The following MMD2 variants were observed in gnomAD, a reference collection of about 807,000 sequenced individuals.
MMD2 encodes monocyte to macrophage differentiation factor 2.
MMD2 carries 30 observed loss-of-function variants against 33.5 expected under a neutral mutation model. That is an observed-to-expected ratio of 0.90 (90% CI 0.67 to 1.22). The LOEUF (loss-of-function observed/expected upper bound fraction) is 1.22. MMD2 is among the 50% of genes most tolerant of loss of function. The probability of loss-of-function intolerance (pLI) is 0.00; values close to 1 mark genes in which losing one functional copy is unlikely to be tolerated. For missense variants in MMD2, 364 were observed against 325.4 expected (o/e 1.12, Z -0.91); for synonymous variants, 129 against 123.0 (o/e 1.05, Z -0.32).
chr7:4,939,728 T>G (rs1785849863), intron 1 of MMD2, among the ~76,000 whole-genome samples: 1 of 136,808 alleles, frequency 7.3e-6, no homozygotes, highest in African/African-American at 2.9e-5. Context: ...TCCAATCTAT[T>G]TCTTTCTTTC....
chr7:4,951,429 T>A (rs905030929), intron 1 of MMD2, among the ~76,000 whole-genome samples: 1 of 151,944 alleles, frequency 6.6e-6, no homozygotes, highest in African/African-American at 2.4e-5. Flanking sequence ...CTGCCCTGGG[T>A]CCCTGCACTT....
chr7:4,922,787 G>A (rs1785321333), intron 2 of MMD2, among the ~76,000 whole-genome samples: 1 of 152,056 alleles, frequency 6.6e-6, no homozygotes, highest in Non-Finnish European at 1.5e-5. Flanking sequence ...AGTATTCATT[G>A]AGTTCCTCTC....
chr7:4,938,883 GC>G (rs1406047883), intron 1 of MMD2, among the ~76,000 whole-genome samples: 1 of 151,970 alleles, frequency 6.6e-6, no homozygotes, highest in Non-Finnish European at 1.5e-5. Flanking sequence ...AACACTCAAG[GC>G]CAGATGACAT....
chr7:4,894,774 T>C, the MMD2 span, among the ~76,000 whole-genome samples: 6 of 152,140 alleles, frequency 3.9e-5, no homozygotes, highest in Non-Finnish European at 7.4e-5. The surrounding 1 kb of genome is among the most constrained non-coding windows in gnomAD (Gnocchi z 4.3). Context: ...GTGAGGACCC[T>C]GCAGCAGCCT....
In MMD2 at chr7:4,920,153, C is replaced by T. The variant is rs986369665; in HGVS notation, c.290+18G>A. 5 of 1,552,932 alleles carry T rather than the reference C, an allele frequency of 3.2e-6. No homozygotes were observed. In the East Asian group the frequency reaches 7.3e-5, roughly 23 times the overall value. On this transcript the variant is annotated intron_variant, in intron 3 of 6. Coordinates refer to ENST00000401401, the MANE Select transcript of MMD2 (RefSeq NM_198403.4). ...CCGACCCCCTACCCGGCATGGGTCC[C>T]CTCTGGGCGGGAGGCACCTGAGGTG...
At position 4,928,234 on chromosome 7, in the gene MMD2, G is replaced by C. The variant is rs570454365; in HGVS notation, c.48-2702C>G. 2.5e-4 allele frequency among the ~76,000 whole-genome samples: 38 copies of C among 152,296 alleles called. No homozygotes were observed. The South Asian group carries it at 7.7e-3, about 31-fold the overall frequency. On this transcript the variant is annotated intron_variant, in intron 1 of 6. Transcript: ENST00000401401. ...TAGACTGCCCCCCAAACAAATGAGT[G>C]TATGGTTCAGGACAAATGACTCCAT...
intron 2 of MMD2, among the ~76,000 whole-genome samples, chr7:4,923,739 T>C (rs1164962439): frequency 6.6e-6 from 1 of 152,104 alleles, no homozygotes; most frequent in Non-Finnish European, 1.5e-5. Flanking sequence ...TTCTCAAATA[T>C]TTTCCGAGCC....
At chr7:4,951,112 G>A (rs1366029113) in intron 1 of MMD2, among the ~76,000 whole-genome samples, 2 of 152,098 alleles carry the variant, frequency 1.3e-5, no homozygotes, top group Non-Finnish European at 2.9e-5. Flanking sequence ...AGTCCAGGAG[G>A]TGAAGGGCAG....
rs75762260 is a variant in MMD2 at position 4,907,069 on chromosome 7, A to G, written c.*327T>C. ...TGCCAGATTCTTCAGGACCTTAGGAAACACAGATTGGCCCGTCATTCCCCA... is the reference window on the plus strand; with the variant it reads ...TGCCAGATTCTTCAGGACCTTAGGAGACACAGATTGGCCCGTCATTCCCCA... On this transcript the variant is annotated 3_prime_UTR_variant, in exon 7 of 7. Coordinates refer to ENST00000401401, the MANE Select transcript of MMD2 (RefSeq NM_198403.4). The G allele has an allele frequency of 0.013, 4,490 of 340,566 alleles. 201 individuals carry two copies. Among genetic ancestry groups the G allele is most frequent in the East Asian group, 0.097 (1,406 of 14,484 alleles). The allele number at this position is 340,566 out of a possible 1,614,324, so 21.1% of individuals were successfully genotyped here.
At chr7:4,910,705 T>C (rs1784983702) in intron 5 of MMD2, among the ~76,000 whole-genome samples, 1 of 152,168 alleles carries the variant, frequency 6.6e-6, no homozygotes, top group Non-Finnish European at 1.5e-5. Flanking sequence ...CTCAGCTTGC[T>C]GCAACCTCCA....
chr7:4,911,858 A>G (rs1430481769), intron 4 of MMD2, among the ~76,000 whole-genome samples: 1 of 151,886 alleles, frequency 6.6e-6, no homozygotes. Context: ...ATGTTGGCCA[A>G]GCTGGTCGCG....
At chr7:4,900,653 A>G in the MMD2 span, among the ~76,000 whole-genome samples, 1 of 152,068 alleles carries the variant, frequency 6.6e-6, no homozygotes, top group Non-Finnish European at 1.5e-5. Flanking sequence ...GAGCAACATG[A>G]GACGGGATGG....
At position 4,940,964 on chromosome 7, in the gene MMD2, G is replaced by A. The variant is rs908482988; in HGVS notation, c.48-15432C>T. ...ATCTCTTCCCCTATGGGATGAGAAG[G>A]GTCCGTATCTCCAAAGCTAGGACCA... On this transcript the variant is annotated intron_variant, in intron 1 of 6. Transcript: ENST00000401401. The surrounding 1 kb of genome is among the most constrained non-coding windows in gnomAD (Gnocchi z 5.0). 6.6e-6 allele frequency among the ~76,000 whole-genome samples: 1 copy of A among 152,122 alleles called. No individual in the cohort carries two copies. The highest frequency in any genetic ancestry group is 1.9e-4 in the East Asian group (1 of 5,182).
At chr7:4,930,526 C>T (rs1583380447) in intron 1 of MMD2, among the ~76,000 whole-genome samples, 1 of 151,608 alleles carries the variant, frequency 6.6e-6, no homozygotes, top group East Asian at 2.0e-4. Context: ...CGACTGTAAT[C>T]CCAGCTACTC....
intron 1 of MMD2, among the ~76,000 whole-genome samples, chr7:4,943,004 C>CTTTTTTT (rs33983457): frequency 1.6e-4 from 14 of 85,696 alleles, no homozygotes; most frequent in African/African-American, 2.6e-4. Context: ...CTGCCCTTTT[C>CTTTTTTT]TTTTTTTTTT....
the MMD2 span, among the ~76,000 whole-genome samples, chr7:4,893,301 A>G: frequency 6.6e-6 from 1 of 151,976 alleles, no homozygotes; most frequent in Non-Finnish European, 1.5e-5. Flanking sequence ...AAATAAAAGA[A>G]TGACTACTCC....
At chr7:4,922,141 G>A (rs1189394453) in intron 2 of MMD2, among the ~76,000 whole-genome samples, 1 of 151,988 alleles carries the variant, frequency 6.6e-6, no homozygotes, top group Non-Finnish European at 1.5e-5. Context: ...CAGGAGAATC[G>A]CTTCAACCCA....
chr7:4,911,793 C>T (rs1319474868), intron 4 of MMD2, among the ~76,000 whole-genome samples: 1 of 151,954 alleles, frequency 6.6e-6, no homozygotes, highest in Non-Finnish European at 1.5e-5. Context: ...GGATTACAGG[C>T]ATGCGCCACC....
chr7:4,939,599 T>C (rs1024157687), intron 1 of MMD2, among the ~76,000 whole-genome samples: 6 of 152,118 alleles, frequency 3.9e-5, no homozygotes, highest in Non-Finnish European at 8.8e-5. Flanking sequence ...AGAATTAGCA[T>C]AGAAATATTC....
Sources: allele counts gnomAD v4.1 joint callset (sites outside exome capture counted in the v4.1 genomes callset), GRCh38; gene constraint gnomAD v4.1.1; non-coding constraint Gnocchi (gnomAD v3.1); transcripts MANE v1.5; gene names NCBI Gene and HGNC (gene_info 2026-07-23, HGNC 2026-07-21).